TGM2: variants seen among roughly 807,000 people sequenced by gnomAD.
The protein encoded by TGM2 is transglutaminase 2, also known as protein-glutamine gamma-glutamyltransferase 2.
Under a neutral mutation model 75.6 loss-of-function variants are expected in TGM2, and 53 were observed. That is an observed-to-expected ratio of 0.70 (90% CI 0.56 to 0.88). The LOEUF is 0.88. Ranked by LOEUF, TGM2 falls within the 40% of genes least tolerant of loss-of-function variation. TGM2 has a pLI of 0.00. For missense variants in TGM2, 842 were observed against 928.5 expected, an observed-to-expected ratio of 0.91 and a Z score of 1.21; for synonymous variants, 374 against 381.1, an observed-to-expected ratio of 0.98 and a Z score of 0.22.
chr20:38,151,128 A>G, intron 3 of TGM2, 71 bp from the exon 4 acceptor site: 2 of 1,171,296 alleles, frequency 1.7e-6, no homozygotes, highest in South Asian at 2.4e-5. Flanking sequence ...ATCTGGAGTC[A>G]AGGGTGCCAA....
At chr20:38,145,853 A>C (rs994845362) in intron 6 of TGM2, 3 of 143,904 alleles carry the variant, frequency 2.1e-5, no homozygotes, top group African/African-American at 7.9e-5. Context: ...CATTGCAGCC[A>C]ACCTCCAGGG....
At position 38,155,849 on chromosome 20, in the gene TGM2, G is replaced by C. The variant is rs1266991642; in HGVS notation, c.431C>G (p.Pro144Arg). 2.5e-6 allele frequency: 4 copies of C among 1,597,018 alleles called. No homozygotes were observed. Among genetic ancestry groups the C allele is most frequent in the Non-Finnish European group, 3.4e-6 (4 of 1,172,646 alleles). ...HFILLFNAWC[P>R]ADAVYLDSEE... ...TGAGTGGATGGCGTGTGGCTCACCT[G>C]GGCACCAGGCGTTGAAGAGCAAAAT... The change falls in exon 3 of 13, where the codon CCA (proline) becomes CGA (arginine). Residue 144 changes from proline to arginine, a missense_variant and splice_region_variant. By Grantham distance (103) the Pro-to-Arg change is moderately radical. Coordinates refer to ENST00000361475, the MANE Select transcript of TGM2 (RefSeq NM_004613.4).
At chr20:38,139,739 T>C (rs2074948205) in intron 8 of TGM2, 85 bp from the exon 9 acceptor site, 2 of 1,572,190 alleles carry the variant, frequency 1.3e-6, no homozygotes, top group African/African-American at 1.4e-5. Context: ...CAATCACATG[T>C]AGCCAAAAAC....
intron 3 of TGM2, 27 bp downstream of exon 3, chr20:38,155,820 G>A (rs770528267): frequency 2.2e-5 from 35 of 1,587,200 alleles, no homozygotes; most frequent in Admixed American, 3.6e-5. Context: ...CCACCCCAAC[G>A]CTGTGAGTGG....
chr20:38,158,812 C>T (rs1021337229), intron 2 of TGM2, among the ~76,000 whole-genome samples: 1 of 152,234 alleles, frequency 6.6e-6, no homozygotes, highest in African/African-American at 2.4e-5. Flanking sequence ...TACAATGTTC[C>T]CACACAGGAG....
intron 6 of TGM2, among the ~76,000 whole-genome samples, chr20:38,142,846 C>T (rs570171234): frequency 1.2e-4 from 18 of 152,250 alleles, no homozygotes; most frequent in Middle Eastern, 3.2e-3. Context: ...AACCCCTCCT[C>T]GCACGCTGTG....
chr20:38,143,898 G>A (rs1357483600), intron 6 of TGM2, among the ~76,000 whole-genome samples: 1 of 152,204 alleles, frequency 6.6e-6, no homozygotes, highest in Non-Finnish European at 1.5e-5. Flanking sequence ...GTTGGCCCTG[G>A]ATTCCTGCCA....
intron 2 of TGM2, among the ~76,000 whole-genome samples, chr20:38,159,694 T>C (rs565465198): frequency 6.6e-6 from 1 of 152,342 alleles, no homozygotes; most frequent in East Asian, 1.9e-4. Flanking sequence ...AGCCTCACTC[T>C]GCAGTCGGGG....
chr20:38,162,560 C>T (rs753925120), intron 1 of TGM2, among the ~76,000 whole-genome samples: 1 of 152,190 alleles, frequency 6.6e-6, no homozygotes, highest in Non-Finnish European at 1.5e-5. Flanking sequence ...TAAAGAGAAA[C>T]TTAAACCCGT....
intron 2 of TGM2, among the ~76,000 whole-genome samples, chr20:38,159,854 G>T (rs958558611): frequency 2.6e-5 from 4 of 152,234 alleles, no homozygotes; most frequent in Admixed American, 6.5e-5. Context: ...TGCGTTCAGT[G>T]GGTGCCCCAC....
intron 12 of TGM2, 62 bp downstream of exon 12, chr20:38,131,031 C>T: frequency 1.2e-6 from 2 of 1,604,144 alleles, no homozygotes; most frequent in Admixed American, 1.7e-5. Context: ...AGGACAGTCT[C>T]TACCCCCACC....
chr20:38,139,494 C>A lies in TGM2; in HGVS notation c.1260G>T (p.Leu420=), dbSNP rs756875090. 4 of 1,614,192 alleles carry A rather than the reference C, an allele frequency of 2.5e-6. No individual in the cohort carries two copies. In the South Asian group the frequency reaches 4.4e-5, roughly 18 times the overall value. Reference sequence around the variant, plus strand: ...TAGTGCTGATCTTCAGCCCAACGATCAGGGAACGGTTGATGGATTTGTGCA... The same window carrying A: ...TAGTGCTGATCTTCAGCCCAACGATAAGGGAACGGTTGATGGATTTGTGCA... ...GSVHKSINRS[L]IVGLKISTKS... The change falls in exon 9 of 13, where the codon CTG becomes CTT. Residue 420 remains leucine, a synonymous_variant. Transcript: ENST00000361475.
At chr20:38,163,547 G>GCTGTAGGATT (rs967526770) in intron 1 of TGM2, among the ~76,000 whole-genome samples, 12 of 152,212 alleles carry the variant, frequency 7.9e-5, no homozygotes, top group Non-Finnish European at 1.2e-4. Flanking sequence ...GGAATCCAGA[G>GCTGTAGGATT]CTGTAGGATT....
intron 3 of TGM2, among the ~76,000 whole-genome samples, chr20:38,155,451 C>T (rs1029852229): frequency 6.6e-6 from 1 of 152,176 alleles, no homozygotes; most frequent in African/African-American, 2.4e-5. Flanking sequence ...AAGTGATCCT[C>T]CCACCTCAAC....
chr20:38,161,373 AGTGGTGGTG>A lies in TGM2; in HGVS notation c.190+38_190+46del, dbSNP rs372765546. 13 of 1,589,728 alleles carry A rather than the reference AGTGGTGGTG, an allele frequency of 8.2e-6. No homozygotes were observed. The Admixed American group carries it at 1.0e-4, about 12-fold the overall frequency. ...CTGGGGCATGTCGGGGTGGAGAGGA[AGTGGTGGTG>A]GTGGTGGTGGTGGTGGAGTGGGGTT... is the stretch of plus-strand genomic sequence containing the variant. On this transcript the variant is annotated intron_variant, in intron 2 of 12. Transcript: ENST00000361475.
At chr20:38,142,291 T>C (rs2074985599) in intron 6 of TGM2, 92 bp from the exon 7 acceptor site, 1 of 1,577,232 alleles carries the variant, frequency 6.3e-7, no homozygotes, top group African/African-American at 1.3e-5. Flanking sequence ...CAGGGAACAC[T>C]GTACCTGCTG....
intron 4 of TGM2, among the ~76,000 whole-genome samples, chr20:38,149,453 G>A (rs888702626): frequency 4.6e-5 from 7 of 152,052 alleles, no homozygotes; most frequent in African/African-American, 1.2e-4. Context: ...TGAGGCAGGC[G>A]GATCACGAGG....
chr20:38,145,147 G>A (rs2075029478), intron 6 of TGM2, among the ~76,000 whole-genome samples: 1 of 152,172 alleles, frequency 6.6e-6, no homozygotes, highest in African/African-American at 2.4e-5. Flanking sequence ...AGAGAGGCAG[G>A]AGTCAGAAGG....
At chr20:38,142,766 T>TC (rs2074991758) in intron 6 of TGM2, among the ~76,000 whole-genome samples, 1 of 152,234 alleles carries the variant, frequency 6.6e-6, no homozygotes, top group South Asian at 2.1e-4. Flanking sequence ...TGTCCTTGGT[T>TC]CCCCATGGCC....
Sources: gnomAD v4.1 joint callset for allele counts (sites outside exome capture counted in the v4.1 genomes callset) on GRCh38, gnomAD v4.1.1 for gene constraint, MANE v1.5 for transcripts, NCBI Gene and HGNC (gene_info 2026-07-23, HGNC 2026-07-21) for gene names.